MGAT4C: variants seen among roughly 807,000 people sequenced by gnomAD.
The protein encoded by MGAT4C is alpha-1,3-mannosyl-glycoprotein 4-beta-N-acetylglucosaminyltransferase C.
Under a neutral mutation model 40.1 loss-of-function variants are expected in MGAT4C, and 19 were observed. That is an observed-to-expected ratio of 0.47 (90% CI 0.33 to 0.70). MGAT4C has a LOEUF of 0.70. Among genes scored for constraint, MGAT4C ranks in the 30% least tolerant of loss-of-function variants. The pLI, the probability that MGAT4C is intolerant of heterozygous loss-of-function variation, is 0.02. For synonymous variants in MGAT4C, 181 were observed against 187.1 expected, an observed-to-expected ratio of 0.97 and a Z score of 0.27; for missense variants, 491 against 563.2, an observed-to-expected ratio of 0.87 and a Z score of 1.30.
rs566535940 is a variant in MGAT4C at position 86,127,546 on chromosome 12, ACTTAT to A, written c.-56-77828_-56-77824del. Among the ~76,000 whole-genome samples the A allele has an allele frequency of 1.6e-3, 250 of 152,286 alleles. 1 individual carries two copies. Among genetic ancestry groups the A allele is most frequent in the African/African-American group, 5.5e-3 (230 of 41,560 alleles). On this transcript the variant is annotated intron_variant, in intron 1 of 4. Transcript: ENST00000611864. Reference sequence around the variant, plus strand: ...TCTTCAATAATAGATAATTACTTCAACTTATCTTATAAACATTTTAATTGTTTTTA... The same window carrying A: ...TCTTCAATAATAGATAATTACTTCAACTTATAAACATTTTAATTGTTTTTA...
chr12:86,200,055 A>C lies in MGAT4C; in HGVS notation c.-57+56184T>G, dbSNP rs138651769. On this transcript the variant is annotated intron_variant, in intron 1 of 4. Coordinates refer to ENST00000611864, the MANE Select transcript of MGAT4C (RefSeq NM_001351288.2). ...TTCTCTACTCAAGCCCTCTATATTT[A>C]TATTTCTATTCCCATAAATAAATCT... Among the ~76,000 whole-genome samples, 1,128 of 150,256 alleles carry C rather than the reference A, an allele frequency of 7.5e-3. 16 individuals carry two copies. The highest frequency in any genetic ancestry group is 0.025 in the African/African-American group (1,030 of 40,632).
intron 2 of MGAT4C, among the ~76,000 whole-genome samples, chr12:86,653,663 T>C (rs1963762747): frequency 6.6e-6 from 1 of 151,976 alleles, no homozygotes; most frequent in African/African-American, 2.4e-5. Context: ...GTATCTTTCT[T>C]GTATAACAAT....
chr12:86,117,711 A>T (rs1252827687), intron 1 of MGAT4C, among the ~76,000 whole-genome samples: 1 of 152,126 alleles, frequency 6.6e-6, no homozygotes, highest in Non-Finnish European at 1.5e-5. Context: ...ATTTCTAGAA[A>T]CTGGGGTTAA....
At chr12:86,147,858 T>C (rs1008371673) in intron 1 of MGAT4C, among the ~76,000 whole-genome samples, 1 of 152,162 alleles carries the variant, frequency 6.6e-6, no homozygotes, top group African/African-American at 2.4e-5. Flanking sequence ...AGGTAAGGGA[T>C]CCATTATTTG....
intron 2 of MGAT4C, among the ~76,000 whole-genome samples, chr12:85,998,789 T>G (rs1053155116): frequency 6.6e-6 from 1 of 152,132 alleles, no homozygotes; most frequent in African/African-American, 2.4e-5. Context: ...TCTAGGAAGT[T>G]CCAAAATTTT....
chr12:86,422,356 T>G (rs1413623467), intron 3 of MGAT4C, among the ~76,000 whole-genome samples: 1 of 152,164 alleles, frequency 6.6e-6, no homozygotes, highest in African/African-American at 2.4e-5. Flanking sequence ...TTATTAAAAA[T>G]ATAACTTATG....
chr12:86,508,571 C>T (rs1394312547), intron 2 of MGAT4C, among the ~76,000 whole-genome samples: 1 of 152,002 alleles, frequency 6.6e-6, no homozygotes, highest in Non-Finnish European at 1.5e-5. Flanking sequence ...TGGGTATATA[C>T]CCAGTAATGG....
In MGAT4C at chr12:86,507,242, G is replaced by A. The variant is rs111613631; in HGVS notation, c.-228-71977C>T. ...TACAGAAAAGATTTTACTTCCGAGAGTGGATATAGTCTACTATTATTCATC... is the reference window on the plus strand; with the variant it reads ...TACAGAAAAGATTTTACTTCCGAGAATGGATATAGTCTACTATTATTCATC... On this transcript the variant is annotated intron_variant, in intron 2 of 7. Transcript: ENST00000548651. Among the ~76,000 whole-genome samples the A allele has an allele frequency of 3.3e-3, 509 of 152,298 alleles. 1 individual carries two copies. Among genetic ancestry groups the A allele is most frequent in the African/African-American group, 0.012 (491 of 41,566 alleles).
At chr12:86,394,614 C>A (rs1283972707) in intron 3 of MGAT4C, among the ~76,000 whole-genome samples, 1 of 93,032 alleles carries the variant, frequency 1.1e-5, no homozygotes, top group Non-Finnish European at 2.5e-5. Flanking sequence ...TATATATATA[C>A]TTTATATATA....
intron 2 of MGAT4C, among the ~76,000 whole-genome samples, chr12:86,635,174 T>C (rs1479385090): frequency 6.6e-6 from 1 of 152,180 alleles, no homozygotes; most frequent in Non-Finnish European, 1.5e-5. Context: ...TCACAGGCTC[T>C]GTCTTTATGC....
rs1017373854 is a variant in MGAT4C at position 86,317,041 on chromosome 12, G to A, written c.-57+17024C>T. Among the ~76,000 whole-genome samples the A allele has an allele frequency of 8.8e-5, 13 of 148,450 alleles. No homozygotes were observed. The South Asian group carries it at 2.3e-3, about 27-fold the overall frequency. Reference sequence around the variant, plus strand: ...AAGAAGGGACAAAAGAAGGAAGGAAGGAAGGAAGGAAACCCTAGAAAAACA... The same window carrying A: ...AAGAAGGGACAAAAGAAGGAAGGAAAGAAGGAAGGAAACCCTAGAAAAACA... On this transcript the variant is annotated intron_variant, in intron 4 of 7. Coordinates refer to the MGAT4C transcript ENST00000548651.
chr12:86,029,788 T>G (rs1890572925), intron 2 of MGAT4C, among the ~76,000 whole-genome samples: 1 of 151,842 alleles, frequency 6.6e-6, no homozygotes, highest in Admixed American at 6.6e-5. Context: ...GAGTTTTCTC[T>G]TTATTCGTTG....
chr12:86,430,677 T>A (rs1957019153), intron 3 of MGAT4C, among the ~76,000 whole-genome samples: 2 of 152,154 alleles, frequency 1.3e-5, no homozygotes, highest in Non-Finnish European at 2.9e-5. Flanking sequence ...GACCTGAAGT[T>A]GGGCAGGGCT....
At chr12:86,515,914 T>G (rs999709211) in intron 2 of MGAT4C, among the ~76,000 whole-genome samples, 2 of 151,914 alleles carry the variant, frequency 1.3e-5, no homozygotes, top group African/African-American at 4.8e-5. Context: ...AGCTAATTTT[T>G]TTTGTATTTT....
chr12:86,489,734 C>G (rs1186286801), intron 2 of MGAT4C, among the ~76,000 whole-genome samples: 1 of 152,116 alleles, frequency 6.6e-6, no homozygotes, highest in Non-Finnish European at 1.5e-5. Flanking sequence ...AATGAGGCAC[C>G]CTTGTCAGGA....
intron 2 of MGAT4C, among the ~76,000 whole-genome samples, chr12:86,488,114 T>C (rs1369186604): frequency 4.6e-5 from 7 of 152,056 alleles, no homozygotes; most frequent in Non-Finnish European, 1.0e-4. Context: ...CTGGGCATAG[T>C]GGCTCATGCT....
intron 1 of MGAT4C, among the ~76,000 whole-genome samples, chr12:86,781,663 C>G (rs1951843172): frequency 6.6e-6 from 1 of 152,060 alleles, no homozygotes; most frequent in Admixed American, 6.5e-5. Context: ...CATCCCTGTC[C>G]TCATAGAAAT....
intron 2 of MGAT4C, among the ~76,000 whole-genome samples, chr12:86,439,071 G>C (rs2136276284): frequency 6.6e-6 from 1 of 152,012 alleles, no homozygotes; most frequent in East Asian, 1.9e-4. Flanking sequence ...AGATCGTTGA[G>C]GCAGAAAGTC....
At chr12:86,834,389 C>A (rs917957929) in intron 1 of MGAT4C, among the ~76,000 whole-genome samples, 2 of 151,694 alleles carry the variant, frequency 1.3e-5, no homozygotes, top group Non-Finnish European at 2.9e-5. Flanking sequence ...TAGGTGAGCA[C>A]AAATCTGTGA....
Sources: gnomAD v4.1 joint callset for allele counts (sites outside exome capture counted in the v4.1 genomes callset) on GRCh38, gnomAD v4.1.1 for gene constraint, MANE v1.5 for transcripts, NCBI Gene and HGNC (gene_info 2026-07-23, HGNC 2026-07-21) for gene names.